PRKCE: variants seen among roughly 807,000 people sequenced by gnomAD.
PRKCE encodes protein kinase C epsilon type.
In PRKCE, 16 loss-of-function variants were observed where a neutral mutation model predicts 85.4. That is an observed-to-expected ratio of 0.19 (90% CI 0.13 to 0.28). PRKCE has a LOEUF of 0.28. Ranked by LOEUF, PRKCE falls within the 10% of genes least tolerant of loss-of-function variation. The pLI is 1.00. For synonymous variants in PRKCE, 388 were observed against 371.5 expected (o/e 1.04, Z -0.51); for missense variants, 573 against 975.2 (o/e 0.59, Z 5.49).
chr2:46,183,799 A>G (rs913803162), intron 14 of PRKCE, among the ~76,000 whole-genome samples: 14 of 152,148 alleles, frequency 9.2e-5, no homozygotes, highest in African/African-American at 3.1e-4. Context: ...TTCTCCATGG[A>G]AATTTTTCTA....
At position 46,159,834 on chromosome 2, in the gene PRKCE, T is replaced by C. The variant is rs1677579621; in HGVS notation, c.2067+82T>C. 6.5e-7 allele frequency: 1 copy of C among 1,548,112 alleles called. No individual in the cohort carries two copies. The highest frequency in any genetic ancestry group is 8.7e-7 in the Non-Finnish European group (1 of 1,147,512). On this transcript the variant is annotated intron_variant, in intron 14 of 14. Coordinates refer to ENST00000306156, the MANE Select transcript of PRKCE (RefSeq NM_005400.3). The surrounding 1 kb of genome is among the most constrained non-coding windows in gnomAD (Gnocchi z 4.1). Reference sequence around the variant, plus strand: ...ACAGGCTGCGTGCACCCAGGAAGAGTTGGTCAGGGGATGCGTATTACAGTA... The same window carrying C: ...ACAGGCTGCGTGCACCCAGGAAGAGCTGGTCAGGGGATGCGTATTACAGTA...
chr2:45,734,709 C>A (rs945378567), intron 1 of PRKCE, among the ~76,000 whole-genome samples: 1 of 152,098 alleles, frequency 6.6e-6, no homozygotes, highest in African/African-American at 2.4e-5. Flanking sequence ...ATGCGCAGAT[C>A]CCCCCTGCAG....
chr2:45,943,204 T>C (rs1700007382), intron 2 of PRKCE, among the ~76,000 whole-genome samples: 1 of 152,244 alleles, frequency 6.6e-6, no homozygotes, highest in Non-Finnish European at 1.5e-5. Context: ...AATTCCTTTG[T>C]TAAAGGACAC....
intron 2 of PRKCE, among the ~76,000 whole-genome samples, chr2:45,916,797 G>A (rs1297793649): frequency 6.6e-6 from 1 of 152,182 alleles, no homozygotes; most frequent in African/African-American, 2.4e-5. Flanking sequence ...CTTCAAGAAT[G>A]AAGCCGTGGA....
chr2:45,958,806 ATATATATATATTTTTTTTTT>A (rs1253295651), intron 2 of PRKCE, among the ~76,000 whole-genome samples: 46 of 22,516 alleles, frequency 2.0e-3, no homozygotes, highest in African/African-American at 7.8e-3. Context: ...ATATATATAT[ATATATATATATTTTTTTTTT>A]TTTTTTTTTT....
chr2:45,652,388 C>T lies in PRKCE; in HGVS notation c.288C>T (p.Ala96=). 1 of 1,612,838 alleles carries T rather than the reference C, an allele frequency of 6.2e-7. No homozygotes were observed. Among genetic ancestry groups the T allele is most frequent in the African/African-American group, 1.3e-5 (1 of 75,050 alleles). Reference sequence around the variant, plus strand: ...CCATAGGCTACGACGACTTCGTGGCCAACTGCACCATCCAGTTTGAGGAGC... The same window carrying T: ...CCATAGGCTACGACGACTTCGTGGCTAACTGCACCATCCAGTTTGAGGAGC... ...DAPIGYDDFV[A]NCTIQFEELL... Residue 96 remains alanine (A), a synonymous_variant, in exon 1 of 15, where the codon GCC becomes GCT. Transcript: ENST00000306156. The surrounding 1 kb of genome is among the most constrained non-coding windows in gnomAD (Gnocchi z 7.7).
intron 1 of PRKCE, among the ~76,000 whole-genome samples, chr2:45,666,576 T>A (rs1675922137): frequency 6.6e-6 from 1 of 152,008 alleles, no homozygotes; most frequent in Non-Finnish European, 1.5e-5. Context: ...ATCCCTGGGA[T>A]ACTCTAACCA....
At chr2:46,104,850 C>T (rs1574482413) in intron 11 of PRKCE, among the ~76,000 whole-genome samples, 2 of 152,208 alleles carry the variant, frequency 1.3e-5, no homozygotes, top group South Asian at 4.2e-4. Flanking sequence ...TGGGGTTTAT[C>T]TTTTCCCTTC....
At position 45,774,712 on chromosome 2, in the gene PRKCE, T is replaced by G. The variant is rs1373767367; in HGVS notation, c.349-68288T>G. Among the ~76,000 whole-genome samples the G allele has an allele frequency of 1.3e-5, 2 of 152,068 alleles. No homozygotes were observed. Among genetic ancestry groups the G allele is most frequent in the Admixed American group, 1.3e-4 (2 of 15,278 alleles). ...CCTGATTTCCCACCTTGCCTTCTGA[T>G]AGATGAATCAAGCCGGGACGCCCAG... On this transcript the variant is annotated intron_variant, in intron 1 of 14. Transcript: ENST00000306156. The surrounding 1 kb of genome is among the most constrained non-coding windows in gnomAD (Gnocchi z 4.3).
chr2:45,963,319 T>G (rs887184094), intron 2 of PRKCE, among the ~76,000 whole-genome samples: 3 of 152,020 alleles, frequency 2.0e-5, no homozygotes, highest in Non-Finnish European at 4.4e-5. Flanking sequence ...TTTATTTATT[T>G]ATTTTTTTAG....
At chr2:46,022,555 C>A (rs1048191750) in intron 10 of PRKCE, among the ~76,000 whole-genome samples, 1 of 152,198 alleles carries the variant, frequency 6.6e-6, no homozygotes, top group Admixed American at 6.5e-5. Context: ...CCCATGTAAC[C>A]CGAATTTTTC....
At chr2:46,164,138 G>A (rs932848125) in intron 14 of PRKCE, among the ~76,000 whole-genome samples, 2 of 152,204 alleles carry the variant, frequency 1.3e-5, no homozygotes, top group South Asian at 2.1e-4. Flanking sequence ...GAGGGAAGAG[G>A]GAAAACTGGT....
At chr2:46,141,906 C>G (rs1377963731) in intron 11 of PRKCE, among the ~76,000 whole-genome samples, 2 of 152,144 alleles carry the variant, frequency 1.3e-5, no homozygotes, top group Non-Finnish European at 2.9e-5. Flanking sequence ...AGACAGCCTG[C>G]CCGGTTCTGC....
chr2:45,928,914 C>A (rs1417843369), intron 2 of PRKCE, among the ~76,000 whole-genome samples: 2 of 152,132 alleles, frequency 1.3e-5, no homozygotes, highest in African/African-American at 4.8e-5. Context: ...GTCTGGGGGC[C>A]CCTCTGTCAG....
chr2:46,038,458 C>T (rs542303516), intron 10 of PRKCE, among the ~76,000 whole-genome samples: 9 of 152,150 alleles, frequency 5.9e-5, no homozygotes, highest in East Asian at 1.9e-4. Flanking sequence ...GGATATCTCA[C>T]GGGCCAAAAG....
At chr2:46,131,313 G>A (rs1419547527) in intron 11 of PRKCE, among the ~76,000 whole-genome samples, 1 of 152,180 alleles carries the variant, frequency 6.6e-6, no homozygotes, top group Non-Finnish European at 1.5e-5. Flanking sequence ...TCTTGAAGCT[G>A]TGCCCCATGC....
At chr2:46,147,978 T>C (rs1297931902) in intron 12 of PRKCE, among the ~76,000 whole-genome samples, 1 of 152,216 alleles carries the variant, frequency 6.6e-6, no homozygotes, top group Non-Finnish European at 1.5e-5. Flanking sequence ...TCTAATGAGA[T>C]TAGAGCATGG....
intron 1 of PRKCE, among the ~76,000 whole-genome samples, chr2:45,740,141 C>T (rs887025406): frequency 1.7e-5 from 2 of 120,050 alleles, no homozygotes; most frequent in Non-Finnish European, 3.3e-5. Flanking sequence ...ACATGAGACC[C>T]CATCTCAAAA....
At chr2:45,659,076 TA>T (rs1400766534) in intron 1 of PRKCE, among the ~76,000 whole-genome samples, 1 of 152,256 alleles carries the variant, frequency 6.6e-6, no homozygotes, top group Non-Finnish European at 1.5e-5. Flanking sequence ...ACTAAATTCC[TA>T]ATTCCAGCTC....
Sources: allele counts gnomAD v4.1 joint callset (sites outside exome capture counted in the v4.1 genomes callset), GRCh38; gene constraint gnomAD v4.1.1; non-coding constraint Gnocchi (gnomAD v3.1); transcripts MANE v1.5; gene names NCBI Gene and HGNC (gene_info 2026-07-23, HGNC 2026-07-21).